SORCS2: variants seen among roughly 807,000 people sequenced by gnomAD.
SORCS2 encodes VPS10 domain-containing receptor SorCS2.
Under a neutral mutation model 141.6 loss-of-function variants are expected in SORCS2, and 100 were observed. The observed-to-expected ratio is 0.71, with a 90% CI of 0.60 to 0.83. The LOEUF (loss-of-function observed/expected upper bound fraction) is 0.83. Ranked by LOEUF, SORCS2 falls within the 40% of genes least tolerant of loss-of-function variation. SORCS2 has a pLI of 0.00. For synonymous variants in SORCS2, 789 were observed against 676.9 expected, an observed-to-expected ratio of 1.17 and a Z score of -2.57; for missense variants, 1,646 against 1,560.2, an observed-to-expected ratio of 1.05 and a Z score of -0.93.
intron 1 of SORCS2, among the ~76,000 whole-genome samples, chr4:7,395,717 C>T (rs1231426266): frequency 3.9e-5 from 6 of 152,084 alleles, no homozygotes; most frequent in South Asian, 2.1e-4. Flanking sequence ...ACAAGAAAAA[C>T]GTGTGTGCGC....
intron 2 of SORCS2, among the ~76,000 whole-genome samples, chr4:7,487,907 A>T (rs1731091259): frequency 6.6e-6 from 1 of 152,148 alleles, no homozygotes; most frequent in Non-Finnish European, 1.5e-5. Flanking sequence ...TTTTGTAGAC[A>T]TCAGGCATAG....
chr4:7,338,513 GTC>G (rs1005842703), intron 1 of SORCS2, among the ~76,000 whole-genome samples: 5 of 152,056 alleles, frequency 3.3e-5, no homozygotes, highest in African/African-American at 1.2e-4. Flanking sequence ...ATCTGTCCCT[GTC>G]TCTCTGTATT....
chr4:7,554,357 A>G (rs1269623634), intron 3 of SORCS2, among the ~76,000 whole-genome samples: 2 of 152,172 alleles, frequency 1.3e-5, no homozygotes, highest in African/African-American at 4.8e-5. Context: ...ACCTAGGAGT[A>G]TAGACCACAT....
chr4:7,557,754 TG>T (rs1714242608), intron 3 of SORCS2, among the ~76,000 whole-genome samples: 1 of 152,136 alleles, frequency 6.6e-6, no homozygotes, highest in African/African-American at 2.4e-5. Context: ...AAAGGGGCAG[TG>T]GTTTGAGCTG....
intron 3 of SORCS2, among the ~76,000 whole-genome samples, chr4:7,536,084 T>C (rs1487654385): frequency 6.6e-6 from 1 of 151,938 alleles, no homozygotes; most frequent in African/African-American, 2.4e-5. Flanking sequence ...ACGTGCTGAG[T>C]GGGGCTAGGG....
chr4:7,215,249 G>A (rs1374835190), intron 1 of SORCS2, among the ~76,000 whole-genome samples: 4 of 152,232 alleles, frequency 2.6e-5, no homozygotes, highest in Admixed American at 2.0e-4. Context: ...GCTGGCCCCG[G>A]GCAAGGAGGG....
chr4:7,270,619 A>G (rs1715059680), intron 1 of SORCS2, among the ~76,000 whole-genome samples: 1 of 152,212 alleles, frequency 6.6e-6, no homozygotes, highest in Non-Finnish European at 1.5e-5. Context: ...AGAACACTTA[A>G]CCTAAAATTA....
intron 1 of SORCS2, among the ~76,000 whole-genome samples, chr4:7,345,563 C>T (rs533466539): frequency 6.6e-6 from 1 of 152,318 alleles, no homozygotes; most frequent in East Asian, 1.9e-4. Flanking sequence ...AGCTGCATCA[C>T]TCTAGACAAG....
chr4:7,424,846 C>T (rs143008636), intron 2 of SORCS2, among the ~76,000 whole-genome samples: 51 of 152,338 alleles, frequency 3.3e-4, no homozygotes, highest in African/African-American at 1.2e-3. Flanking sequence ...GTGTTGGGGC[C>T]TGCCCTAAAA....
At chr4:7,521,631 G>A (rs1009804006) in intron 2 of SORCS2, among the ~76,000 whole-genome samples, 9 of 152,294 alleles carry the variant, frequency 5.9e-5, no homozygotes, top group African/African-American at 2.2e-4. Context: ...AGCCTGAACT[G>A]GAACGTGACC....
chr4:7,377,445 G>T (rs988054335), intron 1 of SORCS2, among the ~76,000 whole-genome samples: 1 of 152,178 alleles, frequency 6.6e-6, no homozygotes, highest in African/African-American at 2.4e-5. Context: ...CCCAGCAGGC[G>T]CTCAACAGAC....
At chr4:7,693,340 C>T (rs75196878) in intron 11 of SORCS2, among the ~76,000 whole-genome samples, 4,320 of 152,350 alleles carry the variant, frequency 0.028, 102 homozygotes, top group Middle Eastern at 0.058. Flanking sequence ...GGACCCTGCA[C>T]GGCCTGTGGC....
At chr4:7,284,757 T>A (rs1716098105) in intron 1 of SORCS2, among the ~76,000 whole-genome samples, 1 of 152,144 alleles carries the variant, frequency 6.6e-6, no homozygotes, top group African/African-American at 2.4e-5. Flanking sequence ...ACCGGGTGGC[T>A]TAAAACAGTA....
chr4:7,687,794 T>G (rs1723969181), intron 10 of SORCS2, among the ~76,000 whole-genome samples: 2 of 152,118 alleles, frequency 1.3e-5, no homozygotes, highest in African/African-American at 4.8e-5. Context: ...ATTCACAGAG[T>G]TGTGCCACCA....
rs778062284 is a variant in SORCS2, at chr4:7,717,994, C to A, written c.2253-18C>A. On this transcript the variant is annotated intron_variant, in intron 17 of 26. Transcript: ENST00000507866. ...CCACCTGTCTGAAGCGGACCCTGACCCTCTCTTGTCAATCCAGGTACCGGA... is the reference window on the plus strand; with the variant it reads ...CCACCTGTCTGAAGCGGACCCTGACACTCTCTTGTCAATCCAGGTACCGGA... 8 of 1,586,808 alleles carry A rather than the reference C, an allele frequency of 5.0e-6. No individual in the cohort carries two copies. Among genetic ancestry groups the A allele is most frequent in the Non-Finnish European group, 6.0e-6 (7 of 1,165,542 alleles).
chr4:7,559,643 A>AG (rs1350069920), intron 3 of SORCS2, among the ~76,000 whole-genome samples: 1 of 152,142 alleles, frequency 6.6e-6, no homozygotes, highest in African/African-American at 2.4e-5. Flanking sequence ...CACAGGTCCA[A>AG]GGGGGCCTGG....
At chr4:7,583,371 A>G (rs890074798) in intron 3 of SORCS2, among the ~76,000 whole-genome samples, 2 of 152,208 alleles carry the variant, frequency 1.3e-5, no homozygotes, top group Non-Finnish European at 2.9e-5. Context: ...CTGCTAGAAA[A>G]AAACCCTGGA....
chr4:7,467,713 C>G (rs561131553), intron 2 of SORCS2, among the ~76,000 whole-genome samples: 1 of 152,322 alleles, frequency 6.6e-6, no homozygotes, highest in East Asian at 1.9e-4. Flanking sequence ...GGAGATGCCA[C>G]CCAGCTCTTG....
intron 1 of SORCS2, among the ~76,000 whole-genome samples, chr4:7,295,247 A>G (rs1172072149): frequency 9.5e-6 from 1 of 105,250 alleles, no homozygotes; most frequent in Middle Eastern, 4.8e-3. Flanking sequence ...CAGAGGAGAC[A>G]CCATTATGGC....
Sources: gnomAD v4.1 joint callset for allele counts (sites outside exome capture counted in the v4.1 genomes callset) on GRCh38, gnomAD v4.1.1 for gene constraint, MANE v1.5 for transcripts, NCBI Gene and HGNC (gene_info 2026-07-23, HGNC 2026-07-21) for gene names.